ABCD3: variants seen among roughly 807,000 people sequenced by gnomAD.
The protein encoded by ABCD3 is ATP binding cassette subfamily D member 3.
In ABCD3, 41 loss-of-function variants were observed where a neutral mutation model predicts 105.5. The observed-to-expected ratio is 0.39, with a 90% CI of 0.30 to 0.50. The LOEUF is 0.50. ABCD3 is among the 20% of genes least tolerant of loss of function. The probability of loss-of-function intolerance (pLI) is 0.84; values close to 1 mark genes in which losing one functional copy is unlikely to be tolerated. For synonymous variants in ABCD3, 258 were observed against 269.0 expected (o/e 0.96, Z 0.40); for missense variants, 622 against 806.3 (o/e 0.77, Z 2.77).
intron 1 of ABCD3, among the ~76,000 whole-genome samples, chr1:94,434,269 G>A (rs140361980): frequency 6.6e-5 from 10 of 152,294 alleles, no homozygotes; most frequent in African/African-American, 2.4e-4. Flanking sequence ...AATGTGTGGA[G>A]CTGTCATTCA....
intron 2 of ABCD3, among the ~76,000 whole-genome samples, chr1:94,458,910 A>G (rs1647725143): frequency 2.8e-5 from 4 of 143,314 alleles, no homozygotes; most frequent in African/African-American, 1.0e-4. Context: ...ACTCTGTTAT[A>G]TCTTTTGTAT....
Position 94,517,838 on chromosome 1 carries a change from A to G in ABCD3, c.*709A>G, listed in dbSNP as rs1167426770. ...GAGGGGTTACCATGTATCACACCTA[A>G]TCTTCCCAATGTTTGGGATATTAAA... On this transcript the variant is annotated 3_prime_UTR_variant, in exon 23 of 23. Transcript: ENST00000370214. The G allele has an allele frequency of 6.6e-6, 1 of 152,310 alleles. No individual in the cohort carries two copies. The highest frequency in any genetic ancestry group is 1.5e-5 in the Non-Finnish European group (1 of 67,868). The allele number at this position is 152,310 out of a possible 1,614,324, so 9.4% of individuals were successfully genotyped here. A position where few individuals can be genotyped will look rare whatever the true frequency, so the allele number is the denominator to read the frequency against.
chr1:94,487,661 T>C (rs528174525), intron 11 of ABCD3, 33 bp from the exon 12 acceptor site: 3 of 1,612,976 alleles, frequency 1.9e-6, no homozygotes, highest in African/African-American at 2.7e-5. Context: ...TGAAATACTG[T>C]TACTGTTTTA....
At chr1:94,420,783 G>C (rs376692914) in intron 1 of ABCD3, among the ~76,000 whole-genome samples, 36 of 152,160 alleles carry the variant, frequency 2.4e-4, no homozygotes, top group African/African-American at 8.7e-4. Context: ...ATTTGAGTGG[G>C]CTTTTGAATA....
At chr1:94,487,516 G>T in intron 10 of ABCD3, 26 bp from the exon 11 acceptor site, 1 of 1,604,974 alleles carries the variant, frequency 6.2e-7, no homozygotes, top group South Asian at 1.1e-5. Flanking sequence ...AGAAAAAGAT[G>T]GTTTTTTGTT....
chr1:94,477,833 C>T (rs1329917757), intron 7 of ABCD3, among the ~76,000 whole-genome samples: 2 of 152,164 alleles, frequency 1.3e-5, no homozygotes, highest in African/African-American at 2.4e-5. Flanking sequence ...AATATTGGAG[C>T]AGGAAAAGCT....
intron 16 of ABCD3, among the ~76,000 whole-genome samples, chr1:94,497,681 A>C (rs994337064): frequency 6.6e-6 from 1 of 152,220 alleles, no homozygotes; most frequent in African/African-American, 2.4e-5. Context: ...ATAATTTCTA[A>C]GAATGGAATC....
chr1:94,400,658 G>A, the ABCD3 span, among the ~76,000 whole-genome samples: 1 of 152,148 alleles, frequency 6.6e-6, no homozygotes, highest in Admixed American at 6.6e-5. Context: ...CCTTCCAGCT[G>A]AAGGATTCAC....
In ABCD3 at chr1:94,517,101, C is replaced by T; in HGVS notation, c.1952C>T (p.Thr651Ile). The T allele has an allele frequency of 1.9e-6, 3 of 1,610,460 alleles. No homozygotes were observed. The highest frequency in any genetic ancestry group is 2.5e-6 in the Non-Finnish European group (3 of 1,177,260). Reference protein sequence around the residue: ...GRGNYEFKQITEDTVEFGS With the variant: ...GRGNYEFKQIIEDTVEFGS ...GGCAACTATGAATTCAAACAGATAA[C>T]AGAAGATACAGTTGAGTTTGGCTCT... Residue 651 changes from threonine to isoleucine, a missense_variant, in exon 23 of 23, where the codon ACA becomes ATA. Physicochemically the swap from Thr to Ile is moderately conservative, Grantham distance 89 (BLOSUM62 -1). This residue lies in a region of ABCD3 where 285 missense variants were observed against 352.5 expected (regional missense o/e 0.81). Transcript: ENST00000370214.
At chr1:94,497,358 T>C (rs1480464878) in intron 16 of ABCD3, among the ~76,000 whole-genome samples, 1 of 152,162 alleles carries the variant, frequency 6.6e-6, no homozygotes, top group Non-Finnish European at 1.5e-5. Context: ...TCAATAAATA[T>C]TCATTGAATT....
the ABCD3 span, among the ~76,000 whole-genome samples, chr1:94,404,130 T>A: frequency 6.6e-6 from 1 of 152,168 alleles, no homozygotes. Flanking sequence ...CTCAGAATTC[T>A]TTTTGGTTTT....
At chr1:94,477,361 C>T (rs1362812057) in intron 7 of ABCD3, among the ~76,000 whole-genome samples, 4 of 151,582 alleles carry the variant, frequency 2.6e-5, no homozygotes, top group African/African-American at 9.7e-5. Context: ...GGCATAGTGG[C>T]TCATCCCTGC....
intron 1 of ABCD3, among the ~76,000 whole-genome samples, chr1:94,428,351 T>C (rs1219780091): frequency 1.3e-5 from 2 of 152,204 alleles, no homozygotes; most frequent in African/African-American, 4.8e-5. Flanking sequence ...ATTTGGACTT[T>C]AATATTTTAT....
At chr1:94,419,290 G>A (rs1047111016) in intron 1 of ABCD3, 1 of 985,182 alleles carries the variant, frequency 1.0e-6, no homozygotes, top group Admixed American at 6.2e-5. Context: ...TTCCTTCCTG[G>A]GCTCTGTAGG....
chr1:94,392,752 C>A, the ABCD3 span, among the ~76,000 whole-genome samples: 7 of 152,048 alleles, frequency 4.6e-5, no homozygotes, highest in African/African-American at 9.7e-5. Flanking sequence ...AATCTGAAAA[C>A]AAAGCAAATA....
chr1:94,515,165 C>CTG lies in ABCD3; in HGVS notation c.1869_1870dup (p.Ser624CysfsTer28), dbSNP rs1355942269. On this transcript the variant is annotated frameshift_variant, in exon 22 of 23. Transcript: ENST00000370214. LOFTEE classifies it high-confidence loss of function. ...TATTAGGTTGGCATCACTCTCTTCACTGTGTCTCATAGGAAATCTCTTTGG... is the reference window on the plus strand; with the variant it reads ...TATTAGGTTGGCATCACTCTCTTCACTGTGTGTCTCATAGGAAATCTCTTTGG... 6.2e-7 allele frequency: 1 copy of CTG among 1,610,316 alleles called. No individual in the cohort carries two copies. The highest frequency in any genetic ancestry group is 1.7e-5 in the Admixed American group (1 of 59,820).
intron 1 of ABCD3, chr1:94,455,671 T>C (rs1647516173): frequency 2.2e-6 from 1 of 451,974 alleles, no homozygotes; most frequent in East Asian, 7.1e-5. Flanking sequence ...AGGACTTATA[T>C]GTAGATTATG....
intron 13 of ABCD3, among the ~76,000 whole-genome samples, chr1:94,489,265 C>G (rs1448606077): frequency 6.6e-6 from 1 of 152,040 alleles, no homozygotes; most frequent in African/African-American, 2.4e-5. Flanking sequence ...CTTTCAGATT[C>G]TTCCGTTTGC....
chr1:94,450,838 C>T (rs1304939411), intron 1 of ABCD3, among the ~76,000 whole-genome samples: 3 of 152,188 alleles, frequency 2.0e-5, no homozygotes, highest in East Asian at 1.9e-4. Flanking sequence ...TTTTCTTTTA[C>T]AAGTTACCCT....
Sources: gnomAD v4.1 joint callset for allele counts (sites outside exome capture counted in the v4.1 genomes callset) on GRCh38, gnomAD v4.1.1 for gene constraint, gnomAD v4.1.1 regional missense constraint, MANE v1.5 for transcripts, NCBI Gene and HGNC (gene_info 2026-07-23, HGNC 2026-07-21) for gene names.